Variants in MAP4 observed in about 807,000 individuals in gnomAD.
MAP4 encodes microtubule associated protein 4, also known as microtubule-associated protein 4.
A neutral mutation model predicts 170.2 loss-of-function variants in MAP4; 76 were observed. That is an observed-to-expected ratio of 0.45 (90% CI 0.37 to 0.54). The LOEUF (loss-of-function observed/expected upper bound fraction) is 0.54. MAP4 is among the 20% of genes least tolerant of loss of function. The pLI is 0.00. For missense variants in MAP4, 2,506 were observed against 2,748.0 expected (o/e 0.91, Z 1.97); for synonymous variants, 909 against 994.5 (o/e 0.91, Z 1.62).
chr3:47,855,375 G>A lies in MAP4; in HGVS notation c.6584-15C>T. 1.3e-6 allele frequency: 2 copies of A among 1,521,036 alleles called. No homozygotes were observed. Among genetic ancestry groups the A allele is most frequent in the Non-Finnish European group, 1.8e-6 (2 of 1,095,148 alleles). The allele number at this position is 1,521,036 out of a possible 1,614,324, so 94.2% of individuals were successfully genotyped here. A position where few individuals can be genotyped will look rare whatever the true frequency, so the allele number is the denominator to read the frequency against. On this transcript the variant is annotated splice_polypyrimidine_tract_variant and intron_variant, in intron 18 of 20. Coordinates refer to ENST00000683076, the MANE Select transcript of MAP4 (RefSeq NM_001385682.1). This position sits in a 1 kb window ranked among gnomAD's most constrained non-coding sequence, Gnocchi z 5.1. ...ATCTCCTCCACCTGGAACCACAAAG[G>A]AACTGGTCACCTAGGGTGGCAGAGG...
chr3:48,001,706 G>A (rs533793873), intron 1 of MAP4, among the ~76,000 whole-genome samples: 2 of 152,110 alleles, frequency 1.3e-5, no homozygotes, highest in African/African-American at 2.4e-5. Flanking sequence ...CACCATGTTG[G>A]TTAGGCTGGT....
At chr3:48,018,042 A>G (rs149062862), upstream of MAP4, among the ~76,000 whole-genome samples, 5 of 152,344 alleles carry the variant, frequency 3.3e-5, no homozygotes, top group Non-Finnish European at 7.3e-5. Context: ...TTGCGCTCCT[A>G]TGATAATCTA....
intron 3 of MAP4, among the ~76,000 whole-genome samples, chr3:47,952,549 TC>T (rs571322530): frequency 3.9e-4 from 59 of 152,148 alleles, no homozygotes; most frequent in African/African-American, 1.3e-3. Context: ...TAAGAAAAAT[TC>T]TTCTGCCTTG....
At position 47,891,732 on chromosome 3, in the gene MAP4, T is replaced by C. The variant is rs942208737; in HGVS notation, c.5434+11218A>G. ...TGTTCCTGGGTGAACACCATAGTGA[T>C]TGGCGGAATGGTGGTGGGTGAATGC... On this transcript the variant is annotated intron_variant, in intron 10 of 20. Coordinates refer to ENST00000683076, the MANE Select transcript of MAP4 (RefSeq NM_001385682.1). 2.4e-5 allele frequency: 37 copies of C among 1,536,702 alleles called. No individual in the cohort carries two copies. In the African/African-American group the frequency reaches 2.6e-4, roughly 11 times the overall value.
intron 10 of MAP4, among the ~76,000 whole-genome samples, chr3:47,889,445 A>C (rs1415282161): frequency 3.9e-5 from 6 of 152,244 alleles, no homozygotes; most frequent in Non-Finnish European, 8.8e-5. Flanking sequence ...AACTGGATCA[A>C]AAGTTGCTTG....
chr3:47,914,935 G>A lies in MAP4; in HGVS notation c.1881C>T (p.Thr627=), dbSNP rs144225984. 144 of 1,613,914 alleles carry A rather than the reference G, an allele frequency of 8.9e-5. No homozygotes were observed. The highest frequency in any genetic ancestry group is 1.6e-4 in the Middle Eastern group (1 of 6,062). ...AAPTFMISPE[T]VTGTGKKCSL... is the part of the protein sequence containing the mutation. ...TGCACTTTTTCCCCGTTCCTGTGAC[G>A]GTTTCTAAAGGTAATAACAAAAGCC... The change falls in exon 8 of 21, where the codon ACC becomes ACT. Residue 627 remains threonine, a synonymous_variant. Transcript: ENST00000683076.
intron 1 of MAP4, among the ~76,000 whole-genome samples, chr3:48,042,708 A>C (rs1233091058): frequency 6.6e-6 from 1 of 152,212 alleles, no homozygotes; most frequent in Non-Finnish European, 1.5e-5. Flanking sequence ...GGAGCTCCTC[A>C]AAAGATTAAA....
At chr3:47,884,695 G>A (rs2097284756) in intron 10 of MAP4, among the ~76,000 whole-genome samples, 1 of 152,086 alleles carries the variant, frequency 6.6e-6, no homozygotes, top group Non-Finnish European at 1.5e-5. Context: ...AGCTTCCTCT[G>A]GACTGCTCTC....
chr3:47,957,781 C>G (rs1243046672), intron 3 of MAP4, among the ~76,000 whole-genome samples: 1 of 152,118 alleles, frequency 6.6e-6, no homozygotes, highest in Non-Finnish European at 1.5e-5. Flanking sequence ...TTCAGGGAGA[C>G]AACACCCTGA....
chr3:48,019,970 G>A (rs1333533031), upstream of MAP4, among the ~76,000 whole-genome samples: 1 of 152,176 alleles, frequency 6.6e-6, no homozygotes, highest in African/African-American at 2.4e-5. Flanking sequence ...AAAGTGGAAG[G>A]TAGAAGAGGA....
intron 3 of MAP4, among the ~76,000 whole-genome samples, chr3:47,942,480 T>C (rs1439449682): frequency 2.6e-5 from 4 of 152,198 alleles, no homozygotes; most frequent in Admixed American, 1.3e-4. Context: ...CAGCCTTGAC[T>C]GAGCTCCTGG....
chr3:47,852,787 C>T lies in MAP4; in HGVS notation c.*147G>A. The T allele has an allele frequency of 6.5e-7, 1 of 1,548,142 alleles. No individual in the cohort carries two copies. Among genetic ancestry groups the T allele is most frequent in the Non-Finnish European group, 8.7e-7 (1 of 1,146,820 alleles). On this transcript the variant is annotated 3_prime_UTR_variant, in exon 21 of 21. Transcript: ENST00000683076. ...GCCCAGCACGGCGCCCAAGCGCTCA[C>T]TGGTCTAGTGGACAGCCCGGGAAAG...
Position 47,977,860 on chromosome 3 carries a change from C to T in MAP4, c.292+5G>A. The T allele has an allele frequency of 5.0e-6, 8 of 1,605,978 alleles. No homozygotes were observed. Among genetic ancestry groups the T allele is most frequent in the Non-Finnish European group, 6.0e-6 (7 of 1,173,148 alleles). On this transcript the variant is annotated splice_donor_5th_base_variant and intron_variant, in intron 3 of 20. Transcript: ENST00000683076. ...CACATTTGGGGAATCCTGGGAATCA[C>T]TTACCTGTAGTATCGCTCCCTTCTA... is the stretch of plus-strand genomic sequence containing the variant.
At chr3:47,890,476 CA>C (rs2098360940) in intron 10 of MAP4, among the ~76,000 whole-genome samples, 1 of 152,178 alleles carries the variant, frequency 6.6e-6, no homozygotes, top group African/African-American at 2.4e-5. Context: ...TCAGTTTGAA[CA>C]AAAGTAAAAC....
At chr3:47,942,947 C>T (rs186375849) in intron 3 of MAP4, among the ~76,000 whole-genome samples, 96 of 151,858 alleles carry the variant, frequency 6.3e-4, no homozygotes, top group Middle Eastern at 3.4e-3. Flanking sequence ...CCAACCTCTA[C>T]AAAAAAAATT....
At chr3:48,053,842 G>A (rs1026168349) in intron 1 of MAP4, among the ~76,000 whole-genome samples, 2 of 152,042 alleles carry the variant, frequency 1.3e-5, no homozygotes, top group African/African-American at 4.8e-5. Flanking sequence ...AAAAGTTCAT[G>A]AGTAGTATAT....
intron 1 of MAP4, among the ~76,000 whole-genome samples, chr3:48,036,454 A>G (rs982072758): frequency 8.0e-5 from 12 of 150,832 alleles, no homozygotes; most frequent in Admixed American, 1.3e-4. Flanking sequence ...TAATTCTTAA[A>G]AACAGTTGTT....
chr3:47,891,887 G>A, intron 10 of MAP4: 1 of 1,536,124 alleles, frequency 6.5e-7, no homozygotes, highest in Non-Finnish European at 8.7e-7. Context: ...CTCTCCCGGA[G>A]TTGCTTCCCT....
rs59476975 is a variant in MAP4 at position 48,074,488 on chromosome 3, TTATA to T, written c.-20+14281_-20+14284del. ...AAAGAAAAAAAAACTACAAAATACATTATATATATATATACACACACTTTTTTTT... is the reference window on the plus strand; with the variant it reads ...AAAGAAAAAAAAACTACAAAATACATTATATATATACACACACTTTTTTTT... On this transcript the variant is annotated intron_variant, in intron 1 of 18. Transcript: ENST00000360240. 5.3e-5 allele frequency among the ~76,000 whole-genome samples: 7 copies of T among 132,218 alleles called. No individual in the cohort carries two copies. The South Asian group carries it at 1.1e-3, about 21-fold the overall frequency. 86.7% of individuals were successfully genotyped at this position (132,218 alleles called of 152,430 possible). A position where few individuals can be genotyped will look rare whatever the true frequency, so the allele number is the denominator to read the frequency against.
Sources: allele counts gnomAD v4.1 joint callset (sites outside exome capture counted in the v4.1 genomes callset), GRCh38; gene constraint gnomAD v4.1.1; non-coding constraint Gnocchi (gnomAD v3.1); transcripts MANE v1.5; gene names NCBI Gene and HGNC (gene_info 2026-07-23, HGNC 2026-07-21).